GABRB2: variants seen among roughly 807,000 people sequenced by gnomAD.
The protein encoded by GABRB2 is gamma-aminobutyric acid type A receptor subunit beta2, also known as gamma-aminobutyric acid receptor subunit beta-2.
In GABRB2, 16 loss-of-function variants were observed where a neutral mutation model predicts 54.7. The observed-to-expected ratio is 0.29, with a 90% CI of 0.20 to 0.44. The LOEUF (loss-of-function observed/expected upper bound fraction) is 0.44, where lower values mean the gene tolerates loss of function less well. Among genes scored for constraint, GABRB2 ranks in the 20% least tolerant of loss-of-function variants. The pLI, the probability that GABRB2 is intolerant of heterozygous loss-of-function variation, is 1.00. For synonymous variants in GABRB2, 244 were observed against 233.8 expected, an observed-to-expected ratio of 1.04 and a Z score of -0.40; for missense variants, 355 against 644.0, an observed-to-expected ratio of 0.55 and a Z score of 4.86.
intron 5 of GABRB2, among the ~76,000 whole-genome samples, chr5:161,338,717 T>C (rs753856915): frequency 1.3e-5 from 2 of 151,986 alleles, no homozygotes; most frequent in Non-Finnish European, 2.9e-5. Context: ...GTTCAGGAAT[T>C]TGAGGTTGCG....
chr5:161,470,175 C>T (rs1758397909), intron 3 of GABRB2, among the ~76,000 whole-genome samples: 1 of 151,672 alleles, frequency 6.6e-6, no homozygotes, highest in Non-Finnish European at 1.5e-5. Flanking sequence ...CCCTACACAT[C>T]AACATTCATC....
intron 5 of GABRB2, among the ~76,000 whole-genome samples, chr5:161,410,422 A>ACACACT (rs1198346902): frequency 6.6e-6 from 1 of 150,828 alleles, no homozygotes; most frequent in African/African-American, 2.4e-5. Flanking sequence ...ACACACACAC[A>ACACACT]CTCACAATCT....
At position 161,330,893 on chromosome 5, in the gene GABRB2, T is replaced by C. The variant is rs760826780; in HGVS notation, c.1067A>G (p.Asp356Gly). Residue 356 changes from aspartate to glycine, a missense_variant, in exon 8 of 10, where the codon GAT becomes GGT. Asp to Gly is a moderately conservative substitution (Grantham distance 94, BLOSUM62 -1). Around this residue, in one of 6 missense-constraint regions of GABRB2, gnomAD observed 201 missense variants for 228.1 expected, o/e 0.88. Coordinates refer to ENST00000393959, the MANE Select transcript of GABRB2 (RefSeq NM_001371727.1). ...GCCCTCTGAATTTACCTTGTTGACA[T>C]CCAGGCGCATCTTCTCATTGTTGGC... Reference protein sequence around the residue: ...ASANNEKMRLDVNKIFYKDIK... With the variant: ...ASANNEKMRLGVNKIFYKDIK... The C allele has an allele frequency of 6.2e-7, 1 of 1,614,260 alleles. No homozygotes were observed. The highest frequency in any genetic ancestry group is 8.5e-7 in the Non-Finnish European group (1 of 1,180,038).
In GABRB2 at chr5:161,292,153, TTTG is replaced by T. The variant is rs1264911997; in HGVS notation, c.*1925_*1927del. On this transcript the variant is annotated 3_prime_UTR_variant, in exon 10 of 10. Coordinates refer to ENST00000393959, the MANE Select transcript of GABRB2 (RefSeq NM_001371727.1). ...AATTCAGAAAGCTGAAGGATAAAGG[TTTG>T]TTGTTGTTCTTGGACAGCTGGAATG... is the stretch of plus-strand genomic sequence containing the variant. 4 of 152,182 alleles carry T rather than the reference TTTG, an allele frequency of 2.6e-5. No homozygotes were observed. The highest frequency in any genetic ancestry group is 9.6e-5 in the African/African-American group (4 of 41,458). 9.4% of individuals were successfully genotyped at this position (152,182 alleles called of 1,614,324 possible).
intron 5 of GABRB2, among the ~76,000 whole-genome samples, chr5:161,356,178 C>T (rs1580911516): frequency 6.6e-6 from 1 of 151,980 alleles, no homozygotes; most frequent in African/African-American, 2.4e-5. Flanking sequence ...AGAAACTTAC[C>T]CAAATTTAAG....
chr5:161,400,444 G>A (rs1429842253), intron 5 of GABRB2, among the ~76,000 whole-genome samples: 8 of 151,904 alleles, frequency 5.3e-5, no homozygotes, highest in South Asian at 4.2e-4. Flanking sequence ...CCACCCTCCC[G>A]CTACAAAATT....
intron 4 of GABRB2, among the ~76,000 whole-genome samples, chr5:161,440,984 C>T (rs578236653): frequency 3.6e-4 from 55 of 152,228 alleles, no homozygotes; most frequent in African/African-American, 1.3e-3. Flanking sequence ...GGATTAAAGA[C>T]TTTAAAACTT....
chr5:161,376,407 A>T (rs187867425), intron 5 of GABRB2, among the ~76,000 whole-genome samples: 2 of 152,296 alleles, frequency 1.3e-5, no homozygotes, highest in Non-Finnish European at 2.9e-5. Flanking sequence ...GACCAAATGC[A>T]TAGATAGCAA....
Position 161,459,605 on chromosome 5 carries a change from T to G in GABRB2, c.458+19A>C. Reference sequence around the variant, plus strand: ...ATTTTGTTCAGGAAAAGTTATATTTTGAATTGGGGACAACAGACCTGAGTC... The same window carrying G: ...ATTTTGTTCAGGAAAAGTTATATTTGGAATTGGGGACAACAGACCTGAGTC... On this transcript the variant is annotated intron_variant, in intron 4 of 9. Coordinates refer to ENST00000393959, the MANE Select transcript of GABRB2 (RefSeq NM_001371727.1). 1 of 1,597,926 alleles carries G rather than the reference T, an allele frequency of 6.3e-7. No individual in the cohort carries two copies. Among genetic ancestry groups the G allele is most frequent in the Admixed American group, 1.7e-5 (1 of 59,896 alleles).
At chr5:161,419,012 A>C (rs1756767365) in intron 4 of GABRB2, among the ~76,000 whole-genome samples, 1 of 152,160 alleles carries the variant, frequency 6.6e-6, no homozygotes, top group South Asian at 2.1e-4. Flanking sequence ...CTGTGGTCCC[A>C]GCTACTCGGA....
At chr5:161,420,493 A>T (rs1369576666) in intron 4 of GABRB2, among the ~76,000 whole-genome samples, 1 of 152,198 alleles carries the variant, frequency 6.6e-6, no homozygotes, top group East Asian at 1.9e-4. Flanking sequence ...TTCAGGGCAG[A>T]TGTGGCCAAT....
chr5:161,380,514 G>A (rs1030535914), intron 5 of GABRB2, among the ~76,000 whole-genome samples: 11 of 152,242 alleles, frequency 7.2e-5, no homozygotes, highest in Middle Eastern at 3.4e-3. Flanking sequence ...CTACTGCCTT[G>A]AGGCATTGAG....
intron 9 of GABRB2, among the ~76,000 whole-genome samples, chr5:161,300,767 A>G (rs544906172): frequency 6.6e-6 from 1 of 152,330 alleles, no homozygotes; most frequent in African/African-American, 2.4e-5. Flanking sequence ...TGATGCTGGG[A>G]TGCTGGCTTG....
chr5:161,375,707 C>A (rs771629362), intron 5 of GABRB2, among the ~76,000 whole-genome samples: 5 of 152,156 alleles, frequency 3.3e-5, no homozygotes, highest in Non-Finnish European at 4.4e-5. Context: ...CCTCCATTTT[C>A]TCATACTTAA....
intron 3 of GABRB2, among the ~76,000 whole-genome samples, chr5:161,486,132 T>A (rs1758915040): frequency 6.6e-6 from 1 of 151,986 alleles, no homozygotes. Context: ...ATACATTGAA[T>A]GTATACTTAT....
rs192484238 is a variant in GABRB2, at chr5:161,319,628, C to T, written c.1191+6740G>A. On this transcript the variant is annotated intron_variant, in intron 9 of 9. Coordinates refer to ENST00000393959, the MANE Select transcript of GABRB2 (RefSeq NM_001371727.1). ...GTGGGTCCATTGTTTCTTTCACATG[C>T]TTTTGTTTTTTGAAATATAGTGTTG... Among the ~76,000 whole-genome samples the T allele has an allele frequency of 1.4e-3, 208 of 151,444 alleles. 1 individual carries two copies. The highest frequency in any genetic ancestry group is 2.9e-3 in the South Asian group (14 of 4,820).
At chr5:161,542,224 T>C (rs866149113) in intron 3 of GABRB2, among the ~76,000 whole-genome samples, 18 of 152,176 alleles carry the variant, frequency 1.2e-4, no homozygotes, top group South Asian at 2.1e-4. Flanking sequence ...GAAAATATAA[T>C]AATAATGAAA....
intron 3 of GABRB2, among the ~76,000 whole-genome samples, chr5:161,479,316 G>C (rs1758686500): frequency 6.6e-6 from 1 of 151,962 alleles, no homozygotes; most frequent in Non-Finnish European, 1.5e-5. Flanking sequence ...CCCTCCTTTG[G>C]CGAGAATGAC....
chr5:161,471,847 A>G (rs1758449189), intron 3 of GABRB2, among the ~76,000 whole-genome samples: 1 of 151,950 alleles, frequency 6.6e-6, no homozygotes, highest in South Asian at 2.1e-4. Flanking sequence ...AATTCATCTC[A>G]AATTGCTTTA....
Sources: allele counts gnomAD v4.1 joint callset (sites outside exome capture counted in the v4.1 genomes callset), GRCh38; gene constraint gnomAD v4.1.1; regional missense constraint gnomAD v4.1.1; transcripts MANE v1.5; gene names NCBI Gene and HGNC (gene_info 2026-07-23, HGNC 2026-07-21).